Variants in CPQ observed in about 807,000 individuals in gnomAD.
CPQ encodes carboxypeptidase Q.
Under a neutral mutation model 45.7 loss-of-function variants are expected in CPQ, and 37 were observed. That is an observed-to-expected ratio of 0.81 (90% CI 0.62 to 1.07). The LOEUF (loss-of-function observed/expected upper bound fraction) is 1.07. CPQ is among the 50% of genes least tolerant of loss of function. The pLI is 0.00. For synonymous variants in CPQ, 186 were observed against 205.8 expected (o/e 0.90, Z 0.82); for missense variants, 537 against 572.9 (o/e 0.94, Z 0.64).
At chr8:97,124,392 A>G (rs1390463457) in intron 7 of CPQ, among the ~76,000 whole-genome samples, 1 of 152,150 alleles carries the variant, frequency 6.6e-6, no homozygotes, top group Non-Finnish European at 1.5e-5. Context: ...GAAAGTCTGG[A>G]TATGGAAGAT....
intron 1 of CPQ, among the ~76,000 whole-genome samples, chr8:96,706,182 AC>A (rs1809528587): frequency 6.6e-6 from 1 of 151,932 alleles, no homozygotes; most frequent in Non-Finnish European, 1.5e-5. Context: ...TTTTTTCTAG[AC>A]TACTTGATTT....
At chr8:96,653,703 A>G (rs1815603936) in intron 1 of CPQ, among the ~76,000 whole-genome samples, 2 of 152,206 alleles carry the variant, frequency 1.3e-5, no homozygotes, top group South Asian at 4.1e-4. Flanking sequence ...GAGAGAAAAT[A>G]TATTTACTAT....
At chr8:96,913,693 G>A (rs962588956) in intron 4 of CPQ, among the ~76,000 whole-genome samples, 1 of 152,126 alleles carries the variant, frequency 6.6e-6, no homozygotes, top group Non-Finnish European at 1.5e-5. Context: ...TAAAGTTTTC[G>A]AAGAGTCAGT....
chr8:96,850,071 G>T (rs1811750163), intron 3 of CPQ, among the ~76,000 whole-genome samples: 1 of 152,146 alleles, frequency 6.6e-6, no homozygotes, highest in Admixed American at 6.5e-5. Context: ...GCATTGATTT[G>T]ATCTCCGTAG....
intron 1 of CPQ, among the ~76,000 whole-genome samples, chr8:96,696,402 T>C (rs1586362837): frequency 6.6e-6 from 1 of 151,826 alleles, no homozygotes; most frequent in African/African-American, 2.4e-5. Flanking sequence ...GTAACTAACC[T>C]GCACATTGTG....
intron 5 of CPQ, among the ~76,000 whole-genome samples, chr8:96,987,841 G>A (rs554403939): frequency 6.6e-6 from 1 of 152,212 alleles, no homozygotes. Flanking sequence ...TTCAAGCGGA[G>A]AGATTAGTTG....
At chr8:96,788,477 A>T (rs776753344) in intron 2 of CPQ, among the ~76,000 whole-genome samples, 1 of 152,002 alleles carries the variant, frequency 6.6e-6, no homozygotes, top group Non-Finnish European at 1.5e-5. Flanking sequence ...CATTGTTTTG[A>T]TGAGATGTCA....
At chr8:96,711,592 G>T (rs994945762) in intron 1 of CPQ, among the ~76,000 whole-genome samples, 4 of 152,104 alleles carry the variant, frequency 2.6e-5, no homozygotes, top group Non-Finnish European at 5.9e-5. Flanking sequence ...TGGCAACAAG[G>T]AGAAGTGCTG....
intron 7 of CPQ, among the ~76,000 whole-genome samples, chr8:97,078,347 T>TA (rs1810885898): frequency 6.6e-6 from 1 of 152,204 alleles, no homozygotes; most frequent in Admixed American, 6.5e-5. Context: ...GTCTGAACAG[T>TA]AAGTGTGTGT....
intron 1 of CPQ, among the ~76,000 whole-genome samples, chr8:96,669,696 C>G (rs752676039): frequency 5.9e-5 from 9 of 152,226 alleles, no homozygotes; most frequent in Middle Eastern, 3.4e-3. Flanking sequence ...CAATTTAAAA[C>G]AGATTGCCAG....
At chr8:96,917,559 C>T (rs533376823) in intron 4 of CPQ, among the ~76,000 whole-genome samples, 1 of 152,184 alleles carries the variant, frequency 6.6e-6, no homozygotes, top group South Asian at 2.1e-4. Flanking sequence ...CTCCAAGGAA[C>T]CCTGGTTCTT....
At chr8:97,085,396 A>AC (rs1554588630) in intron 7 of CPQ, among the ~76,000 whole-genome samples, 122 of 151,420 alleles carry the variant, frequency 8.1e-4, no homozygotes, top group Middle Eastern at 6.8e-3. Flanking sequence ...AAAAAAAAAA[A>AC]CCAAAAACAA....
At chr8:96,816,978 A>G (rs906505624) in intron 2 of CPQ, among the ~76,000 whole-genome samples, 21 of 152,272 alleles carry the variant, frequency 1.4e-4, no homozygotes, top group African/African-American at 3.6e-4. Context: ...TAAAAGCCCT[A>G]TGATTTTTGG....
intron 2 of CPQ, among the ~76,000 whole-genome samples, chr8:96,800,500 T>C (rs1272194548): frequency 6.6e-6 from 1 of 152,198 alleles, no homozygotes; most frequent in African/African-American, 2.4e-5. Context: ...GAGAAATTAT[T>C]GTACAGACCC....
chr8:96,985,299 G>A (rs1252951063), intron 5 of CPQ, among the ~76,000 whole-genome samples: 1 of 151,226 alleles, frequency 6.6e-6, no homozygotes, highest in Non-Finnish European at 1.5e-5. Flanking sequence ...AATGTCATAA[G>A]CTATTATTGC....
intron 7 of CPQ, among the ~76,000 whole-genome samples, chr8:97,078,033 A>G (rs1810878307): frequency 6.6e-6 from 1 of 152,170 alleles, no homozygotes; most frequent in Non-Finnish European, 1.5e-5. Context: ...TCACCCAAAG[A>G]TGATTTATTT....
chr8:97,088,173 G>A (rs1444553119), intron 7 of CPQ, among the ~76,000 whole-genome samples: 1 of 152,178 alleles, frequency 6.6e-6, no homozygotes, highest in African/African-American at 2.4e-5. Flanking sequence ...AGAAATCACA[G>A]TGATGAAAGC....
At chr8:97,045,807 G>C (rs968817428) in intron 6 of CPQ, among the ~76,000 whole-genome samples, 6 of 152,178 alleles carry the variant, frequency 3.9e-5, no homozygotes, top group Non-Finnish European at 5.9e-5. Flanking sequence ...TCAAAGAGTG[G>C]TCTCTCTAAG....
intron 5 of CPQ, among the ~76,000 whole-genome samples, chr8:96,992,640 T>A (rs1809114331): frequency 6.6e-6 from 1 of 152,118 alleles, no homozygotes; most frequent in South Asian, 2.1e-4. Context: ...GATGAATCAG[T>A]CAGAAAATGT....
Sources: gnomAD v4.1 joint callset for allele counts (sites outside exome capture counted in the v4.1 genomes callset) on GRCh38, gnomAD v4.1.1 for gene constraint, MANE v1.5 for transcripts, NCBI Gene and HGNC (gene_info 2026-07-23, HGNC 2026-07-21) for gene names.